The following SUPT3H variants were observed in gnomAD, a reference collection of about 807,000 sequenced individuals.
SUPT3H encodes the protein SPT3 homolog, SAGA and STAGA complex component.
SUPT3H carries 44 observed loss-of-function variants against 44.3 expected under a neutral mutation model. That is an observed-to-expected ratio of 0.99 (90% CI 0.78 to 1.28). SUPT3H has a LOEUF of 1.28. SUPT3H is among the 50% of genes most tolerant of loss of function. The pLI, the probability that SUPT3H is intolerant of heterozygous loss-of-function variation, is 0.00. For missense variants in SUPT3H, 380 were observed against 387.1 expected (o/e 0.98, Z 0.15); for synonymous variants, 124 against 125.6 (o/e 0.99, Z 0.09).
chr6:45,062,611 G>T (rs558658967), intron 3 of SUPT3H, among the ~76,000 whole-genome samples: 1 of 152,178 alleles, frequency 6.6e-6, no homozygotes, highest in Admixed American at 6.5e-5. Context: ...CGCGCACCAT[G>T]CGCAAGCCGA....
chr6:44,945,503 C>T (rs1408237963), intron 9 of SUPT3H, among the ~76,000 whole-genome samples: 1 of 152,118 alleles, frequency 6.6e-6, no homozygotes, highest in Non-Finnish European at 1.5e-5. Context: ...AAATGCTGGT[C>T]CACTGAACAC....
intron 10 of SUPT3H, among the ~76,000 whole-genome samples, chr6:44,850,908 T>TA (rs1169769777): frequency 6.6e-6 from 1 of 152,238 alleles, no homozygotes; most frequent in African/African-American, 2.4e-5. Flanking sequence ...CTGGTTTATC[T>TA]AGCGGTTTCT....
intron 2 of SUPT3H, among the ~76,000 whole-genome samples, chr6:45,227,474 A>C (rs1169095456): frequency 1.3e-5 from 2 of 152,202 alleles, no homozygotes; most frequent in African/African-American, 2.4e-5. Flanking sequence ...TGCTCATAAA[A>C]AATAAAATTC....
intron 10 of SUPT3H, among the ~76,000 whole-genome samples, chr6:44,861,850 A>T (rs1396051855): frequency 6.6e-6 from 1 of 152,314 alleles, no homozygotes; most frequent in East Asian, 1.9e-4. Flanking sequence ...TTTCCACCCC[A>T]ACCTCAACTG....
intron 6 of SUPT3H, among the ~76,000 whole-genome samples, chr6:44,982,550 G>T (rs1471962093): frequency 6.6e-6 from 1 of 152,164 alleles, no homozygotes. Flanking sequence ...ACTGGAAGAA[G>T]CCATAAGGGT....
intron 2 of SUPT3H, among the ~76,000 whole-genome samples, chr6:45,227,690 C>G (rs1444690978): frequency 1.3e-5 from 2 of 152,102 alleles, no homozygotes; most frequent in Non-Finnish European, 2.9e-5. Context: ...ACACCCAACC[C>G]ACCAGGCAGC....
chr6:45,309,318 T>G (rs1273882795), intron 2 of SUPT3H, among the ~76,000 whole-genome samples: 1 of 151,058 alleles, frequency 6.6e-6, no homozygotes, highest in African/African-American at 2.5e-5. Context: ...ATTGAAATTA[T>G]AAAAAGAAAC....
At chr6:45,342,758 A>AT (rs1301814390) in intron 2 of SUPT3H, among the ~76,000 whole-genome samples, 5 of 152,078 alleles carry the variant, frequency 3.3e-5, no homozygotes, top group Admixed American at 3.3e-4. Flanking sequence ...TTAAAAGCTT[A>AT]TTTTTCCTGA....
intron 3 of SUPT3H, among the ~76,000 whole-genome samples, chr6:45,045,985 TCTAA>T (rs2153532959): frequency 6.6e-6 from 1 of 152,296 alleles, no homozygotes; most frequent in Non-Finnish European, 1.5e-5. Context: ...AAGAAGTCTG[TCTAA>T]CTGAGGTCAT....
chr6:44,910,339 T>C (rs1343262857), intron 10 of SUPT3H, among the ~76,000 whole-genome samples: 4 of 152,210 alleles, frequency 2.6e-5, no homozygotes, highest in Admixed American at 6.5e-5. Flanking sequence ...CTACTGCGTA[T>C]CTTGCTGGTG....
chr6:44,909,118 C>T (rs1766585499), intron 10 of SUPT3H, among the ~76,000 whole-genome samples: 1 of 135,994 alleles, frequency 7.4e-6, no homozygotes, highest in Non-Finnish European at 1.6e-5. Context: ...TGCTCTATAC[C>T]TAAGAGGTGT....
chr6:45,251,682 T>A (rs542179501), intron 2 of SUPT3H, among the ~76,000 whole-genome samples: 8 of 152,312 alleles, frequency 5.3e-5, no homozygotes, highest in African/African-American at 1.9e-4. Context: ...CTCTCTGATA[T>A]CTACAGAACT....
rs1807406246 is a variant in SUPT3H, at chr6:45,154,084, A to AC, written c.102-48079_102-48078insG. ...GACTCTGTCTCAAGAAAAAAAAAAA[A>AC]AAAAGCGCTTAGTCCTCCTATGTTA... On this transcript the variant is annotated intron_variant, in intron 2 of 10. Transcript: ENST00000371459. 5.6e-5 allele frequency among the ~76,000 whole-genome samples: 8 copies of AC among 142,444 alleles called. 1 individual carries two copies. In the South Asian group the frequency reaches 1.2e-3, roughly 22 times the overall value. The allele number at this position is 142,444 out of a possible 152,430, so 93.4% of individuals were successfully genotyped here. A position where few individuals can be genotyped will look rare whatever the true frequency, so the allele number is the denominator to read the frequency against.
At chr6:45,010,738 TC>T (rs138092583) in intron 5 of SUPT3H, among the ~76,000 whole-genome samples, 5 of 152,174 alleles carry the variant, frequency 3.3e-5, no homozygotes, top group African/African-American at 1.2e-4. Flanking sequence ...AAAGGTTCCA[TC>T]CTTATGACCT....
intron 6 of SUPT3H, among the ~76,000 whole-genome samples, chr6:44,971,756 C>A (rs1233160618): frequency 6.6e-6 from 1 of 152,102 alleles, no homozygotes; most frequent in Non-Finnish European, 1.5e-5. Context: ...TTCCCAACAT[C>A]CCCCAAAGTC....
chr6:45,306,053 G>A (rs1422208087), intron 2 of SUPT3H, among the ~76,000 whole-genome samples: 1 of 152,194 alleles, frequency 6.6e-6, no homozygotes, highest in Non-Finnish European at 1.5e-5. Flanking sequence ...ACATACTGCT[G>A]CCAACATGGC....
intron 2 of SUPT3H, among the ~76,000 whole-genome samples, chr6:45,173,683 C>T (rs1248068637): frequency 6.6e-6 from 1 of 152,184 alleles, no homozygotes; most frequent in Admixed American, 6.5e-5. Context: ...GACTTGGAAT[C>T]TTGGTGTTGG....
chr6:45,265,490 G>C (rs563007059), intron 2 of SUPT3H, among the ~76,000 whole-genome samples: 1 of 151,972 alleles, frequency 6.6e-6, no homozygotes, highest in Admixed American at 6.6e-5. Flanking sequence ...TTTAACCTTC[G>C]TCACTTCCTG....
intron 3 of SUPT3H, among the ~76,000 whole-genome samples, chr6:45,053,740 CAAAAAAAAAA>C (rs57736879): frequency 6.7e-5 from 4 of 59,444 alleles, no homozygotes; most frequent in African/African-American, 1.3e-4. Flanking sequence ...ACTAAAAATA[CAAAAAAAAAA>C]AAAAAAAAAA....
Sources: gnomAD v4.1 joint callset for allele counts (sites outside exome capture counted in the v4.1 genomes callset) on GRCh38, gnomAD v4.1.1 for gene constraint, MANE v1.5 for transcripts, NCBI Gene and HGNC (gene_info 2026-07-23, HGNC 2026-07-21) for gene names.